Variants in RUBCNL observed in about 807,000 individuals in gnomAD.
RUBCNL encodes the protein protein associated with UVRAG as autophagy enhancer.
Under a neutral mutation model 69.5 loss-of-function variants are expected in RUBCNL, and 62 were observed. The ratio of observed to expected loss-of-function variants is 0.89; its 90% CI spans 0.73 to 1.10. RUBCNL has a LOEUF of 1.10. RUBCNL is among the 50% of genes least tolerant of loss of function. RUBCNL has a pLI of 0.00. For missense variants in RUBCNL, 768 were observed against 798.1 expected, an observed-to-expected ratio of 0.96 and a Z score of 0.45; for synonymous variants, 291 against 303.6, an observed-to-expected ratio of 0.96 and a Z score of 0.43.
intron 1 of RUBCNL, among the ~76,000 whole-genome samples, chr13:46,383,257 T>G (rs906269394): frequency 6.6e-6 from 1 of 152,262 alleles, no homozygotes; most frequent in African/African-American, 2.4e-5. Context: ...CCTCCTTATC[T>G]GCTACCTGGA....
intron 12 of RUBCNL, among the ~76,000 whole-genome samples, chr13:46,348,598 G>A (rs1010958561): frequency 2.8e-5 from 4 of 144,846 alleles, no homozygotes; most frequent in Admixed American, 1.4e-4. Context: ...TAAGTCTCAC[G>A]AGATTTGATT....
chr13:46,387,306 C>T, upstream of RUBCNL: 2 of 985,526 alleles, frequency 2.0e-6, no homozygotes, highest in Middle Eastern at 5.2e-4. Flanking sequence ...CGCCACGCCC[C>T]CCGCCTCCCA....
At position 46,383,040 on chromosome 13, in the gene RUBCNL, T is replaced by A. The variant is rs117921013; in HGVS notation, c.-239+4094A>T. Among the ~76,000 whole-genome samples, 671 of 152,330 alleles carry A rather than the reference T, an allele frequency of 4.4e-3. 15 individuals carry two copies. The East Asian group carries it at 0.074, about 17-fold the overall frequency. ...AAATAATTGGTAGAATTTCTTAAAT[T>A]TGCTTTAAAATAATGCCAGTGGGCA... On this transcript the variant is annotated intron_variant, in intron 1 of 14. Transcript: ENST00000429979.
rs259704 is a variant in RUBCNL, at chr13:46,366,736, G to C, written c.826+1306C>G. The stretch of plus-strand genomic sequence containing the variant: ...TCAGTGGTTTTCTTTGGAAAGAAGG[G>C]GATTGTGAGAGAGTGATGGAGAGAT... On this transcript the variant is annotated intron_variant, in intron 5 of 14. Coordinates refer to ENST00000429979, the MANE Select transcript of RUBCNL (RefSeq NM_025113.5). 9.0e-3 allele frequency among the ~76,000 whole-genome samples: 1,370 copies of C among 152,168 alleles called. 19 individuals are homozygous for C. The highest frequency in any genetic ancestry group is 0.029 in the African/African-American group (1,200 of 41,508).
chr13:46,368,227 G>A lies in RUBCNL; in HGVS notation c.641C>T (p.Ala214Val). The part of the protein sequence containing the change: ...VEKENAHFYV[A>V]DMIISAMEKM... ...CTCCATTGCTGATATAATCATATCT[G>A]CAACATAAAAGTGGGCATTTTCCTG... The change falls in exon 5 of 15, where the codon GCA (alanine) becomes GTA (valine). Residue 214 changes from alanine to valine, a missense_variant. Physicochemically the swap from Ala to Val is moderately conservative, Grantham distance 64 (BLOSUM62 0). Transcript: ENST00000429979. The A allele has an allele frequency of 6.2e-7, 1 of 1,613,596 alleles. No homozygotes were observed. The highest frequency in any genetic ancestry group is 1.3e-5 in the African/African-American group (1 of 74,988).
At chr13:46,362,684 C>T (rs2048641298) in intron 6 of RUBCNL, 86 bp from the exon 7 acceptor site, 1 of 874,872 alleles carries the variant, frequency 1.1e-6, no homozygotes, top group East Asian at 2.7e-5. Context: ...ACTAAAATCA[C>T]TCCCTGCATC....
rs1411683094 is a variant in RUBCNL at position 46,350,332 on chromosome 13, C to T, written c.1350G>A (p.Arg450=). 6.5e-7 allele frequency: 1 copy of T among 1,545,492 alleles called. No homozygotes were observed. The highest frequency in any genetic ancestry group is 8.8e-7 in the Non-Finnish European group (1 of 1,140,680). Residue 450 remains arginine (R), a synonymous_variant, in exon 11 of 15, where the codon CGG becomes CGA. Coordinates refer to ENST00000429979, the MANE Select transcript of RUBCNL (RefSeq NM_025113.5). ...PVEPKFVKRL[R]YCEYLGKYFC... Reference sequence around the variant, plus strand: ...AATACTTCCCTAGGTATTCGCAGTACCGGAGCCGCTTCACAAACTCTGCCA... The same window carrying T: ...AATACTTCCCTAGGTATTCGCAGTATCGGAGCCGCTTCACAAACTCTGCCA...
intron 1 of RUBCNL, 107 bp from the exon 2 acceptor site, chr13:46,378,112 T>A (rs1181171541): frequency 1.6e-6 from 1 of 619,466 alleles, no homozygotes; most frequent in African/African-American, 1.9e-5. Flanking sequence ...AGAAATATTT[T>A]TTTACTGAGC....
In RUBCNL at chr13:46,338,351, C is replaced by A. The variant is rs148250572; in HGVS notation, c.*5034G>T. Among the ~76,000 whole-genome samples, 270 of 152,300 alleles carry A rather than the reference C, an allele frequency of 1.8e-3. No homozygotes were observed. Among genetic ancestry groups the A allele is most frequent in the African/African-American group, 6.3e-3 (261 of 41,572 alleles). ...ATAGCTAGCATTGGGCCAACCCCTGCCCCTCTCTCTTCCCACTTTGGCTCC... is the reference window on the plus strand; with the variant it reads ...ATAGCTAGCATTGGGCCAACCCCTGACCCTCTCTCTTCCCACTTTGGCTCC... On this transcript the variant is annotated 3_prime_UTR_variant, in exon 15 of 15. Transcript: ENST00000429979.
At chr13:46,344,892 T>C in intron 13 of RUBCNL, 61 bp from the exon 14 acceptor site, 1 of 1,066,196 alleles carries the variant, frequency 9.4e-7, no homozygotes, top group South Asian at 1.3e-5. Flanking sequence ...GAGTTTTCAC[T>C]ATTACAGAAC....
At chr13:46,371,830 T>C (rs1306415459) in intron 3 of RUBCNL, 111 bp downstream of exon 3, 6 of 1,108,450 alleles carry the variant, frequency 5.4e-6, no homozygotes, top group African/African-American at 3.2e-5. Flanking sequence ...CTGACAATAT[T>C]AGATGAGGCA....
At position 46,359,467 on chromosome 13, in the gene RUBCNL, A is replaced by C; in HGVS notation, c.1265+19T>G. ...GTGATTTAAATGGATTGGAGGCCCAAGCAACAGCCCATACTTACTTGAGTG... is the reference window on the plus strand; with the variant it reads ...GTGATTTAAATGGATTGGAGGCCCACGCAACAGCCCATACTTACTTGAGTG... On this transcript the variant is annotated intron_variant, in intron 9 of 14. Transcript: ENST00000429979. The C allele has an allele frequency of 6.2e-7, 1 of 1,600,600 alleles. No homozygotes were observed. The highest frequency in any genetic ancestry group is 1.1e-5 in the South Asian group (1 of 88,484).
chr13:46,367,777 C>T (rs1391897537), intron 5 of RUBCNL, among the ~76,000 whole-genome samples: 1 of 152,184 alleles, frequency 6.6e-6, no homozygotes. Flanking sequence ...TGAACTCCCA[C>T]ACGTCTTGCC....
At chr13:46,351,964 G>A (rs897607738) in intron 10 of RUBCNL, among the ~76,000 whole-genome samples, 4 of 151,634 alleles carry the variant, frequency 2.6e-5, no homozygotes, top group African/African-American at 9.7e-5. Context: ...CGGTAGTTGG[G>A]ACTACAGGGC....
In RUBCNL at chr13:46,356,892, CTTTTTTT is replaced by C. The variant is rs767789330; in HGVS notation, c.1266-403_1266-397del. Among the ~76,000 whole-genome samples, 4 of 135,052 alleles carry C rather than the reference CTTTTTTT, an allele frequency of 3.0e-5. No individual in the cohort carries two copies. In the East Asian group the frequency reaches 8.7e-4, roughly 29 times the overall value. 88.6% of individuals were successfully genotyped at this position (135,052 alleles called of 152,430 possible). On this transcript the variant is annotated intron_variant, in intron 9 of 14. Transcript: ENST00000429979. ...AGCTAGCTTTTTTTGGCTTTATTTACTTTTTTTTTTTTTTTTGGTAGAGATAGGGTCT... is the reference window on the plus strand; with the variant it reads ...AGCTAGCTTTTTTTGGCTTTATTTACTTTTTTTTTGGTAGAGATAGGGTCT...
Position 46,339,030 on chromosome 13 carries a change from G to C in RUBCNL, c.*4355C>G, listed in dbSNP as rs941307046. 6.9e-6 allele frequency among the ~76,000 whole-genome samples: 1 copy of C among 144,564 alleles called. No individual in the cohort carries two copies. The highest frequency in any genetic ancestry group is 1.5e-5 in the Non-Finnish European group (1 of 66,502). The allele number at this position is 144,564 out of a possible 152,430, so 94.8% of individuals were successfully genotyped here. ...CAACTGCACTCCAGCCTGGGCGACA[G>C]AGCGAGACCCTGTCTCAAAAAAAAA... On this transcript the variant is annotated 3_prime_UTR_variant, in exon 15 of 15. Transcript: ENST00000429979.
chr13:46,358,378 T>C (rs2048536666), intron 9 of RUBCNL, among the ~76,000 whole-genome samples: 1 of 152,186 alleles, frequency 6.6e-6, no homozygotes, highest in Non-Finnish European at 1.5e-5. Context: ...GGTTAAAATG[T>C]TTTGTGTATA....
At chr13:46,359,731 A>G (rs563150077) in intron 8 of RUBCNL, 100 bp from the exon 9 acceptor site, 5 of 1,189,598 alleles carry the variant, frequency 4.2e-6, no homozygotes, top group East Asian at 5.2e-5. Flanking sequence ...AAAATTTACC[A>G]TGAAAAATTA....
In RUBCNL at chr13:46,349,267, T is replaced by TC; in HGVS notation, c.1631+18dup. 6.2e-7 allele frequency: 1 copy of TC among 1,611,404 alleles called. No individual in the cohort carries two copies. Among genetic ancestry groups the TC allele is most frequent in the Non-Finnish European group, 8.5e-7 (1 of 1,177,806 alleles). On this transcript the variant is annotated intron_variant, in intron 12 of 14. Transcript: ENST00000429979. ...AGATGTATGGAGGGAAGGCAGCCTG[T>TC]CCCAGCTGAGAATAGTACCTGTTAG...
Sources: gnomAD v4.1 joint callset for allele counts (sites outside exome capture counted in the v4.1 genomes callset) on GRCh38, gnomAD v4.1.1 for gene constraint, MANE v1.5 for transcripts, NCBI Gene and HGNC (gene_info 2026-07-23, HGNC 2026-07-21) for gene names.